JUP: variants seen among roughly 807,000 people sequenced by gnomAD.
JUP encodes junction plakoglobin, also known as catenin (cadherin-associated protein), gamma 80kDa.
A neutral mutation model predicts 71.1 loss-of-function variants in JUP; 28 were observed. That is an observed-to-expected ratio of 0.39 (90% CI 0.29 to 0.54). The LOEUF is 0.54. Ranked by LOEUF, JUP falls within the 20% of genes least tolerant of loss-of-function variation. JUP has a pLI of 0.62. For missense variants in JUP, 869 were observed against 1,030.1 expected (o/e 0.84, Z 2.14); for synonymous variants, 401 against 438.9 (o/e 0.91, Z 1.08).
intron 1 of JUP, among the ~76,000 whole-genome samples, chr17:41,782,816 A>C (rs2143902208): frequency 6.6e-6 from 1 of 152,178 alleles, no homozygotes; most frequent in African/African-American, 2.4e-5. Flanking sequence ...GGGGTGCAGA[A>C]AAATCCTTTC....
intron 10 of JUP, 81 bp from the exon 11 acceptor site, chr17:41,757,865 C>A (rs1031893644): frequency 1.7e-6 from 2 of 1,188,154 alleles, no homozygotes; most frequent in Admixed American, 4.7e-5. Flanking sequence ...CAGCACTGCC[C>A]ACCTCCACCC....
At chr17:41,764,293 G>A (rs567360637) in intron 7 of JUP, among the ~76,000 whole-genome samples, 1 of 152,292 alleles carries the variant, frequency 6.6e-6, no homozygotes, top group South Asian at 2.1e-4. Flanking sequence ...CCAGCACTTT[G>A]GGAGGCCAAG....
rs782058451 is a variant in JUP, at chr17:41,767,386, T to C, written c.902A>G (p.Glu301Gly). Residue 301 changes from glutamate to glycine, a missense_variant, in exon 5 of 14, where the codon GAG becomes GGG. Glu to Gly is a moderately conservative substitution (Grantham distance 98). Transcript: ENST00000393931. ...GAGTTGGGGAGGGCCCACCTTGCTC[T>C]CCTGGTTGCCGTAGGCCAGGAGCTG... ...CLQLLAYGNQ[E>G]SKLIILANGG... The C allele has an allele frequency of 8.1e-6, 13 of 1,614,134 alleles. No homozygotes were observed. The highest frequency in any genetic ancestry group is 1.1e-5 in the Non-Finnish European group (13 of 1,180,026).
At chr17:41,783,017 A>C (rs2047244440) in intron 1 of JUP, among the ~76,000 whole-genome samples, 2 of 151,754 alleles carry the variant, frequency 1.3e-5, no homozygotes, top group African/African-American at 4.8e-5. Flanking sequence ...GAATCGCTTG[A>C]ACCCAGGAGG....
At chr17:41,761,900 C>T (rs1160680906) in intron 8 of JUP, among the ~76,000 whole-genome samples, 1 of 151,802 alleles carries the variant, frequency 6.6e-6, no homozygotes, top group Admixed American at 6.6e-5. Flanking sequence ...AAAATCCCAT[C>T]TCTACTAAAA....
chr17:41,774,668 G>A (rs1257604205), intron 1 of JUP, among the ~76,000 whole-genome samples: 1 of 152,110 alleles, frequency 6.6e-6, no homozygotes, highest in African/African-American at 2.4e-5. Context: ...AGCTGTGCCT[G>A]CACACTGAGA....
chr17:41,774,823 T>C (rs550453352), intron 1 of JUP, among the ~76,000 whole-genome samples: 1 of 151,810 alleles, frequency 6.6e-6, no homozygotes, highest in South Asian at 2.1e-4. Context: ...TGTCCCAGGT[T>C]CGGGTGCGGT....
chr17:41,758,450 G>A lies in JUP; in HGVS notation c.1722C>T (p.Pro574=), dbSNP rs1016855983. The A allele has an allele frequency of 6.2e-7, 1 of 1,614,072 alleles. No individual in the cohort carries two copies. Among genetic ancestry groups the A allele is most frequent in the Non-Finnish European group, 8.5e-7 (1 of 1,180,024 alleles). ...TGALHILARD[P]MNRMEIFRLN... is the part of the protein sequence containing the mutation. ...GCCGGAAGATCTCCATGCGGTTCAT[G>A]GGGTCCCGGGCGAGGATGTGCAGTG... is the stretch of plus-strand genomic sequence containing the variant. Residue 574 remains proline, a synonymous_variant, in exon 10 of 14, where the codon CCC becomes CCT. Transcript: ENST00000393931.
chr17:41,755,373 G>A lies in JUP; in HGVS notation c.*371C>T. The A allele has an allele frequency of 2.5e-6, 1 of 405,418 alleles. No homozygotes were observed. The highest frequency in any genetic ancestry group is 4.3e-6 in the Non-Finnish European group (1 of 230,294). The allele number at this position is 405,418 out of a possible 1,614,324, so 25.1% of individuals were successfully genotyped here. Reference sequence around the variant, plus strand: ...GTTACACCCCGGCTTCCCCAGCTCAGGCACTTTTCTGTCTTGCCCCATCGC... The same window carrying A: ...GTTACACCCCGGCTTCCCCAGCTCAAGCACTTTTCTGTCTTGCCCCATCGC... On this transcript the variant is annotated 3_prime_UTR_variant, in exon 14 of 14. Transcript: ENST00000393931.
Position 41,772,934 on chromosome 17 carries a change from G to A in JUP, c.-8-1072C>T, listed in dbSNP as rs575117728. ...ACCTGCAGAGGTCAGAGGCTGCGGG[G>A]AGAATGGACGCCGTGATCCCATGAG... On this transcript the variant is annotated intron_variant, in intron 1 of 13. Transcript: ENST00000393931. 1.9e-5 allele frequency: 19 copies of A among 985,504 alleles called. No homozygotes were observed. The East Asian group carries it at 1.9e-3, about 100-fold the overall frequency. 61.0% of individuals were successfully genotyped at this position (985,504 alleles called of 1,614,324 possible).
chr17:41,755,195 T>C lies in JUP; in HGVS notation c.*549A>G, dbSNP rs1555596850. On this transcript the variant is annotated 3_prime_UTR_variant, in exon 14 of 14. Coordinates refer to ENST00000393931, the MANE Select transcript of JUP (RefSeq NM_002230.4). ...CGTTGCTGGGGGAAAACAGAATGGG[T>C]ACTTGAGTCTGAAGCTTTAGTGGCC... 7.5e-6 allele frequency: 3 copies of C among 398,164 alleles called. No homozygotes were observed. Among genetic ancestry groups the C allele is most frequent in the Non-Finnish European group, 8.8e-6 (2 of 226,370 alleles). 24.7% of individuals were successfully genotyped at this position (398,164 alleles called of 1,614,324 possible).
chr17:41,785,445 C>A (rs2047408432), intron 1 of JUP, among the ~76,000 whole-genome samples: 1 of 152,124 alleles, frequency 6.6e-6, no homozygotes. Flanking sequence ...CCTCTCAGCA[C>A]TTTCCACCCC....
At chr17:41,771,246 G>A (rs1233324763) in intron 2 of JUP, among the ~76,000 whole-genome samples, 1 of 152,142 alleles carries the variant, frequency 6.6e-6, no homozygotes, top group Non-Finnish European at 1.5e-5. Context: ...TGGCCAGGCT[G>A]GTCTCAAACT....
intron 1 of JUP, among the ~76,000 whole-genome samples, chr17:41,785,745 C>T (rs1218900467): frequency 2.0e-5 from 3 of 152,224 alleles, no homozygotes; most frequent in African/African-American, 7.2e-5. Context: ...CCCCTACCAA[C>T]ACTCTGGCAG....
At position 41,767,524 on chromosome 17, in the gene JUP, A is replaced by C. The variant is rs878854482; in HGVS notation, c.764T>G (p.Leu255Arg). The change falls in exon 5 of 14, where the codon CTG (leucine) becomes CGG (arginine). Residue 255 changes from leucine to arginine, a missense_variant. Coordinates refer to ENST00000393931, the MANE Select transcript of JUP (RefSeq NM_002230.4). ...YAITTLHNLL[L>R]YQEGAKMAVR... ...GGCCATCTTGGCGCCCTCCTGGTACAGGAGCAGGTTGTGCAGCGTGGTGAT... is the reference window on the plus strand; with the variant it reads ...GGCCATCTTGGCGCCCTCCTGGTACCGGAGCAGGTTGTGCAGCGTGGTGAT... 3.4e-5 allele frequency: 52 copies of C among 1,513,502 alleles called. No homozygotes were observed. Among genetic ancestry groups the C allele is most frequent in the Non-Finnish European group, 4.6e-5 (51 of 1,114,662 alleles). The allele number at this position is 1,513,502 out of a possible 1,614,324, so 93.8% of individuals were successfully genotyped here. A position where few individuals can be genotyped will look rare whatever the true frequency, so the allele number is the denominator to read the frequency against.
chr17:41,773,218 G>A (rs1916929731), intron 1 of JUP, among the ~76,000 whole-genome samples: 1 of 152,218 alleles, frequency 6.6e-6, no homozygotes, highest in Non-Finnish European at 1.5e-5. Context: ...TGGGGACCAG[G>A]TGAGGGTGGG....
At chr17:41,783,048 G>C (rs1208083112) in intron 1 of JUP, among the ~76,000 whole-genome samples, 1 of 150,248 alleles carries the variant, frequency 6.7e-6, no homozygotes, top group Non-Finnish European at 1.5e-5. Flanking sequence ...AGTGAGCCGA[G>C]ATCGCGCCAC....
intron 1 of JUP, among the ~76,000 whole-genome samples, chr17:41,783,259 T>C (rs2047260619): frequency 6.6e-6 from 1 of 151,362 alleles, no homozygotes; most frequent in Admixed American, 6.6e-5. Context: ...AATTTCCTCC[T>C]CTGTAGAATG....
chr17:41,766,115 A>C (rs1413058809), intron 5 of JUP, among the ~76,000 whole-genome samples: 1 of 152,054 alleles, frequency 6.6e-6, no homozygotes, highest in African/African-American at 2.4e-5. Context: ...TAATTAGCTC[A>C]GTAGTATGTT....
Sources: allele counts gnomAD v4.1 joint callset (sites outside exome capture counted in the v4.1 genomes callset), GRCh38; gene constraint gnomAD v4.1.1; transcripts MANE v1.5; gene names NCBI Gene and HGNC (gene_info 2026-07-23, HGNC 2026-07-21).